Variants in ZNF746 observed in about 807,000 individuals in gnomAD.
ZNF746 encodes the protein zinc finger protein 746.
ZNF746 carries 13 observed loss-of-function variants against 41.0 expected under a neutral mutation model. The ratio of observed to expected loss-of-function variants is 0.32; its 90% confidence interval spans 0.21 to 0.50. The LOEUF is 0.50. Among genes scored for constraint, ZNF746 ranks in the 20% least tolerant of loss-of-function variants. The pLI is 0.98. For synonymous variants in ZNF746, 424 were observed against 396.2 expected (o/e 1.07, Z -0.83); for missense variants, 811 against 922.9 (o/e 0.88, Z 1.57).
chr7:149,483,465 G>C (rs986382764), intron 4 of ZNF746, among the ~76,000 whole-genome samples: 49 of 152,150 alleles, frequency 3.2e-4, no homozygotes, highest in African/African-American at 8.4e-4. Context: ...AAATTAGCTG[G>C]GTGTGGTGGC....
intron 1 of ZNF746, chr7:149,496,808 C>G: frequency 6.1e-6 from 6 of 985,410 alleles, no homozygotes; most frequent in Non-Finnish European, 7.2e-6. Context: ...AGCACTCACC[C>G]CTTTCTGTTT....
chr7:149,475,149 G>A lies in ZNF746; in HGVS notation c.1218C>T (p.Gly406=). 1.6e-5 allele frequency: 25 copies of A among 1,612,764 alleles called. No homozygotes were observed. The highest frequency in any genetic ancestry group is 2.1e-5 in the Non-Finnish European group (25 of 1,179,858). The change falls in exon 7 of 7, where the codon GGC becomes GGT. Residue 406 remains glycine, a synonymous_variant. Transcript: ENST00000458143. Reference sequence around the variant, plus strand: ...CCTCGGGCCCCGTCCTCGGGTTCAGGCCCACTGGCGGTTTACACCGGAAAT... The same window carrying A: ...CCTCGGGCCCCGTCCTCGGGTTCAGACCCACTGGCGGTTTACACCGGAAAT... ...GWNFRCKPPV[G]LNPRTGPEGL... is the part of the protein sequence containing the mutation.
At chr7:149,478,430 C>T (rs1415515286) in intron 4 of ZNF746, among the ~76,000 whole-genome samples, 1 of 152,204 alleles carries the variant, frequency 6.6e-6, no homozygotes, top group African/African-American at 2.4e-5. Flanking sequence ...GAAAGAAACC[C>T]ATAAAAACTT....
At chr7:149,485,152 A>T (rs1365319138) in intron 4 of ZNF746, among the ~76,000 whole-genome samples, 27 of 58,122 alleles carry the variant, frequency 4.6e-4, no homozygotes, top group Admixed American at 9.9e-4. Flanking sequence ...AAAGTGATTT[A>T]AAAAAAAAAA....
chr7:149,488,091 T>G (rs1201677761), intron 4 of ZNF746: 1 of 152,020 alleles, frequency 6.6e-6, no homozygotes, highest in Non-Finnish European at 1.5e-5. Flanking sequence ...AGAAACAGAC[T>G]TGTGCACATG....
intron 6 of ZNF746, among the ~76,000 whole-genome samples, chr7:149,476,408 T>C (rs78990517): frequency 6.1e-4 from 92 of 152,048 alleles, no homozygotes; most frequent in Admixed American, 1.7e-3. Flanking sequence ...ATCAGGGATC[T>C]TGGCTATTAG....
Position 149,492,876 on chromosome 7 carries a change from G to A in ZNF746, c.548C>T (p.Pro183Leu). 1 of 1,613,882 alleles carries A rather than the reference G, an allele frequency of 6.2e-7. No homozygotes were observed. Among genetic ancestry groups the A allele is most frequent in the Non-Finnish European group, 8.5e-7 (1 of 1,179,854 alleles). ...GCCCTTACCTGGACTGGGGTCCACA[G>A]GAACATCTGGAATCTTGGGGCCAGG... is the stretch of plus-strand genomic sequence containing the variant. ...RRPGPKIPDV[P>L]VDPSPGSGPP... Residue 183 changes from proline (P) to leucine (L), a missense_variant, in exon 4 of 7, where the codon CCT (proline) becomes CTT (leucine). Coordinates refer to ENST00000458143, the MANE Select transcript of ZNF746 (RefSeq NM_001394198.1).
intron 4 of ZNF746, chr7:149,488,556 A>G (rs1308313592): frequency 1.3e-5 from 2 of 152,262 alleles, no homozygotes; most frequent in Non-Finnish European, 2.9e-5. Flanking sequence ...GAATATCTCA[A>G]TAGAAAAACA....
chr7:149,496,040 C>T (rs775139604), intron 1 of ZNF746, among the ~76,000 whole-genome samples: 3 of 152,170 alleles, frequency 2.0e-5, no homozygotes, highest in Non-Finnish European at 2.9e-5. Flanking sequence ...CAGATCAATC[C>T]CTGTCACGTG....
intron 5 of ZNF746, 56 bp downstream of exon 5, chr7:149,477,507 CT>C (rs1800345135): frequency 1.3e-6 from 2 of 1,535,964 alleles, no homozygotes; most frequent in African/African-American, 2.7e-5. Flanking sequence ...GAGCCCTCCC[CT>C]GTCCCTCCTG....
At chr7:149,493,073 T>G (rs1231681581) in intron 3 of ZNF746, 101 bp from the exon 4 acceptor site, 2 of 808,830 alleles carry the variant, frequency 2.5e-6, no homozygotes, top group African/African-American at 3.4e-5. Context: ...ATCTCTTGAT[T>G]GTCACAAAGC....
chr7:149,496,171 G>A (rs1800990018), intron 1 of ZNF746, among the ~76,000 whole-genome samples: 1 of 152,200 alleles, frequency 6.6e-6, no homozygotes, highest in African/African-American at 2.4e-5. Context: ...GCATGAAAGG[G>A]ACCTCTGCTA....
intron 4 of ZNF746, chr7:149,487,681 A>C (rs1800669581): frequency 3.3e-5 from 5 of 152,314 alleles, no homozygotes; most frequent in Admixed American, 2.6e-4. Flanking sequence ...ACCTGAAATA[A>C]CTAATACATC....
At chr7:149,488,611 G>A (rs1167876844) in intron 4 of ZNF746, 1 of 152,150 alleles carries the variant, frequency 6.6e-6, no homozygotes, top group Non-Finnish European at 1.5e-5. Flanking sequence ...GTATAAAAAG[G>A]GCGTGCAACT....
In ZNF746 at chr7:149,474,350, G is replaced by A. The variant is rs1278365303; in HGVS notation, c.*34C>T. 7.0e-6 allele frequency: 11 copies of A among 1,575,230 alleles called. No homozygotes were observed. The highest frequency in any genetic ancestry group is 1.8e-5 in the Admixed American group (1 of 54,606). ...TGCCTGCACACGGGGCTTTTTACAC[G>A]TGCGGCCGGCAGGGGCTATGGGGCT... On this transcript the variant is annotated 3_prime_UTR_variant, in exon 7 of 7. Coordinates refer to ENST00000458143, the MANE Select transcript of ZNF746 (RefSeq NM_001394198.1). This position sits in a 1 kb window ranked among gnomAD's most constrained non-coding sequence, Gnocchi z 6.3.
chr7:149,496,183 A>G (rs538872029), intron 1 of ZNF746, among the ~76,000 whole-genome samples: 2 of 152,338 alleles, frequency 1.3e-5, no homozygotes, highest in East Asian at 3.9e-4. Flanking sequence ...CCTCTGCTAA[A>G]CTACTTTATT....
At chr7:149,485,777 C>G (rs1585732053) in intron 4 of ZNF746, among the ~76,000 whole-genome samples, 1 of 151,370 alleles carries the variant, frequency 6.6e-6, no homozygotes, top group South Asian at 2.1e-4. Context: ...CAGTGGTTCA[C>G]GCCTGTAATC....
At chr7:149,485,711 T>C (rs184397733) in intron 4 of ZNF746, among the ~76,000 whole-genome samples, 1 of 151,404 alleles carries the variant, frequency 6.6e-6, no homozygotes, top group African/African-American at 2.5e-5. Context: ...GCAACACACA[T>C]AGTTGACAAA....
chr7:149,486,647 C>T (rs1182065756), intron 4 of ZNF746, among the ~76,000 whole-genome samples: 2 of 151,970 alleles, frequency 1.3e-5, no homozygotes, highest in African/African-American at 2.4e-5. Flanking sequence ...CAAAAAGTTC[C>T]AAAGCAGATA....
Sources: gnomAD v4.1 joint callset for allele counts (sites outside exome capture counted in the v4.1 genomes callset) on GRCh38, gnomAD v4.1.1 for gene constraint, Gnocchi (gnomAD v3.1) non-coding constraint, MANE v1.5 for transcripts, NCBI Gene and HGNC (gene_info 2026-07-23, HGNC 2026-07-21) for gene names.